The following ZPLD1 variants were observed in gnomAD, a reference collection of about 807,000 sequenced individuals.
The protein encoded by ZPLD1 is zona pellucida like domain containing 1.
A neutral mutation model predicts 47.2 loss-of-function variants in ZPLD1; 34 were observed. That is an observed-to-expected ratio of 0.72 (90% CI 0.55 to 0.96). The LOEUF is 0.96. ZPLD1 is among the 40% of genes least tolerant of loss of function. The pLI is 0.00. For synonymous variants in ZPLD1, 176 were observed against 186.2 expected, an observed-to-expected ratio of 0.95 and a Z score of 0.45; for missense variants, 512 against 505.8, an observed-to-expected ratio of 1.01 and a Z score of -0.12.
intron 8 of ZPLD1, among the ~76,000 whole-genome samples, chr3:102,422,038 G>A (rs2107307108): frequency 6.6e-6 from 1 of 152,088 alleles, no homozygotes; most frequent in African/African-American, 2.4e-5. Flanking sequence ...GTAATGGAAT[G>A]TTTAAACAGT....
At chr3:102,453,635 A>G (rs1246850425) in intron 4 of ZPLD1, among the ~76,000 whole-genome samples, 1 of 152,242 alleles carries the variant, frequency 6.6e-6, no homozygotes, top group Non-Finnish European at 1.5e-5. Flanking sequence ...AGGGGCTGTC[A>G]GTATTTCTGG....
At chr3:102,408,320 A>C (rs1706715039) in intron 7 of ZPLD1, among the ~76,000 whole-genome samples, 1 of 151,928 alleles carries the variant, frequency 6.6e-6, no homozygotes, top group Admixed American at 6.6e-5. Flanking sequence ...TCAGGAAGAC[A>C]GTAACACTGA....
intron 7 of ZPLD1, among the ~76,000 whole-genome samples, chr3:102,395,761 T>G (rs947269524): frequency 2.0e-5 from 3 of 152,196 alleles, no homozygotes; most frequent in Non-Finnish European, 2.9e-5. Flanking sequence ...GACACAAAAC[T>G]AATTTCATAA....
intron 7 of ZPLD1, among the ~76,000 whole-genome samples, chr3:102,399,907 A>C (rs1706600378): frequency 6.6e-6 from 1 of 151,784 alleles, no homozygotes; most frequent in Non-Finnish European, 1.5e-5. Flanking sequence ...CAACCTTTAC[A>C]TCCCAGGTTC....
At chr3:102,437,569 C>A (rs1308655081) in intron 2 of ZPLD1, among the ~76,000 whole-genome samples, 1 of 152,146 alleles carries the variant, frequency 6.6e-6, no homozygotes, top group Non-Finnish European at 1.5e-5. Context: ...AGACCACCAA[C>A]CCAAAAGATT....
At chr3:102,446,038 A>C (rs1707250882) in intron 3 of ZPLD1, among the ~76,000 whole-genome samples, 1 of 152,238 alleles carries the variant, frequency 6.6e-6, no homozygotes, top group Non-Finnish European at 1.5e-5. Context: ...ATGAACATTC[A>C]AGATGAACCC....
intron 7 of ZPLD1, among the ~76,000 whole-genome samples, chr3:102,412,951 AT>A (rs1706762482): frequency 6.6e-6 from 1 of 151,798 alleles, no homozygotes; most frequent in Non-Finnish European, 1.5e-5. Context: ...GGCCGCTATC[AT>A]TATTCAAATG....
chr3:102,451,552 G>A (rs890711244), intron 3 of ZPLD1, among the ~76,000 whole-genome samples: 38 of 152,194 alleles, frequency 2.5e-4, no homozygotes, highest in Non-Finnish European at 4.4e-5. Context: ...TATCACAAAT[G>A]ATGTGATTTG....
Position 102,479,788 on chromosome 3 carries a change from G to T in ZPLD1, c.*2170G>T, listed in dbSNP as rs1359600770. On this transcript the variant is annotated 3_prime_UTR_variant, in exon 12 of 12. Coordinates refer to ENST00000466937, the MANE Select transcript of ZPLD1 (RefSeq NM_001329788.2). ...ACTGTTTTTTGCACTTCAGGGGTAAGGTCTGATGACATGTAAAAGATGATC... is the reference window on the plus strand; with the variant it reads ...ACTGTTTTTTGCACTTCAGGGGTAATGTCTGATGACATGTAAAAGATGATC... The T allele has an allele frequency of 6.6e-6, 1 of 151,988 alleles. No homozygotes were observed. Among genetic ancestry groups the T allele is most frequent in the Non-Finnish European group, 1.5e-5 (1 of 67,982 alleles). 9.4% of individuals were successfully genotyped at this position (151,988 alleles called of 1,614,324 possible). A position where few individuals can be genotyped will look rare whatever the true frequency, so the allele number is the denominator to read the frequency against.
intron 6 of ZPLD1, 77 bp from the exon 7 acceptor site, chr3:102,462,204 C>T: frequency 2.3e-6 from 2 of 869,482 alleles, no homozygotes; most frequent in Admixed American, 2.5e-5. Context: ...TTTTCTCTCT[C>T]TAATATTGTT....
chr3:102,387,445 A>T (rs1292272552), intron 6 of ZPLD1, among the ~76,000 whole-genome samples: 3 of 152,138 alleles, frequency 2.0e-5, no homozygotes, highest in Non-Finnish European at 4.4e-5. Flanking sequence ...TTCTGTCATC[A>T]TTTAAAAAAA....
upstream of ZPLD1, among the ~76,000 whole-genome samples, chr3:102,431,625 A>G (rs1175052353): frequency 6.6e-6 from 1 of 152,128 alleles, no homozygotes; most frequent in African/African-American, 2.4e-5. Flanking sequence ...CTAATGATTT[A>G]GGGCCGGGCA....
In ZPLD1 at chr3:102,393,436, A is replaced by C. The variant is rs1216252713; in HGVS notation, c.-157+1211A>C. On this transcript the variant is annotated intron_variant, in intron 7 of 17. Transcript: ENST00000491959. The stretch of plus-strand genomic sequence containing the variant: ...AACTCCGGATATCCAAACTTTTACC[A>C]GTGCAGTAAAAAGAATAAGAGTATT... 2.0e-5 allele frequency among the ~76,000 whole-genome samples: 3 copies of C among 152,258 alleles called. No homozygotes were observed. In the East Asian group the frequency reaches 5.8e-4, roughly 29 times the overall value.
chr3:102,413,086 T>G (rs1299101251), intron 7 of ZPLD1, among the ~76,000 whole-genome samples: 1 of 151,824 alleles, frequency 6.6e-6, no homozygotes, highest in East Asian at 1.9e-4. Context: ...TACACCTCAG[T>G]CATCTGTCCT....
At chr3:102,410,072 G>T (rs1197059365) in intron 7 of ZPLD1, among the ~76,000 whole-genome samples, 1 of 151,822 alleles carries the variant, frequency 6.6e-6, no homozygotes, top group Non-Finnish European at 1.5e-5. Context: ...AATAGTTTTA[G>T]TGTTTTACCT....
intron 2 of ZPLD1, 80 bp downstream of exon 2, chr3:102,437,053 G>A: frequency 1.7e-6 from 1 of 586,526 alleles, no homozygotes; most frequent in Non-Finnish European, 2.1e-6. Context: ...GAGCAAGACT[G>A]TCTTATTCTA....
At chr3:102,387,282 CAT>C (rs1309971654) in intron 6 of ZPLD1, among the ~76,000 whole-genome samples, 1 of 152,146 alleles carries the variant, frequency 6.6e-6, no homozygotes, top group Non-Finnish European at 1.5e-5. Flanking sequence ...TTCCATTTTA[CAT>C]GTCTTCTGTA....
chr3:102,451,941 G>A (rs2107334639), intron 3 of ZPLD1, among the ~76,000 whole-genome samples: 1 of 152,068 alleles, frequency 6.6e-6, no homozygotes, highest in Admixed American at 6.6e-5. Flanking sequence ...TGAGGGTTAG[G>A]GCTTCAGCAT....
chr3:102,399,783 T>C (rs1475503337), intron 7 of ZPLD1, among the ~76,000 whole-genome samples: 1 of 152,058 alleles, frequency 6.6e-6, no homozygotes, highest in Non-Finnish European at 1.5e-5. Context: ...TTATTTTTGA[T>C]AGATTTTTCC....
Sources: allele counts gnomAD v4.1 joint callset (sites outside exome capture counted in the v4.1 genomes callset), GRCh38; gene constraint gnomAD v4.1.1; transcripts MANE v1.5; gene names NCBI Gene and HGNC (gene_info 2026-07-23, HGNC 2026-07-21).